Variants in MAPRE2 observed in about 807,000 individuals in gnomAD.
MAPRE2 encodes microtubule associated protein RP/EB family member 2.
In MAPRE2, 13 loss-of-function variants were observed where a neutral mutation model predicts 43.2. The ratio of observed to expected loss-of-function variants is 0.30; its 90% CI spans 0.20 to 0.48. MAPRE2 has a LOEUF of 0.48. Ranked by LOEUF, MAPRE2 falls within the 20% of genes least tolerant of loss-of-function variation. The pLI, the probability that MAPRE2 is intolerant of heterozygous loss-of-function variation, is 0.99. For synonymous variants in MAPRE2, 135 were observed against 148.8 expected (o/e 0.91, Z 0.68); for missense variants, 161 against 400.2 (o/e 0.40, Z 5.10).
chr18:35,101,533 C>A (rs1439544023), intron 3 of MAPRE2, among the ~76,000 whole-genome samples: 10 of 151,008 alleles, frequency 6.6e-5, no homozygotes. Context: ...AATCACCATC[C>A]CCAACTCCCC....
chr18:35,026,637 A>G (rs1472464590), intron 2 of MAPRE2, among the ~76,000 whole-genome samples: 2 of 152,080 alleles, frequency 1.3e-5, no homozygotes, highest in Non-Finnish European at 1.5e-5. Context: ...TCCCTCCCCA[A>G]AAATATTTGC....
chr18:35,062,963 T>C (rs1158618982), intron 1 of MAPRE2, among the ~76,000 whole-genome samples: 2 of 152,180 alleles, frequency 1.3e-5, no homozygotes, highest in Non-Finnish European at 2.9e-5. Context: ...TCCCCAGTGA[T>C]GGGAGAACAT....
At chr18:35,069,607 A>G (rs1403522492) in intron 1 of MAPRE2, among the ~76,000 whole-genome samples, 1 of 152,170 alleles carries the variant, frequency 6.6e-6, no homozygotes, top group Admixed American at 6.5e-5. Flanking sequence ...CTCCTTTTGC[A>G]TGTATTTGAA....
intron 2 of MAPRE2, among the ~76,000 whole-genome samples, chr18:35,074,283 T>C (rs1355191739): frequency 6.6e-6 from 1 of 151,532 alleles, no homozygotes; most frequent in Non-Finnish European, 1.5e-5. Context: ...AGGGGGGTGA[T>C]AGGGAATTTT....
chr18:35,075,558 G>A (rs938227258), intron 2 of MAPRE2, among the ~76,000 whole-genome samples: 5 of 152,222 alleles, frequency 3.3e-5, no homozygotes, highest in African/African-American at 1.2e-4. Context: ...TTTGCTGTAA[G>A]AAAGTTAGGT....
rs143720595 is a variant in MAPRE2 at position 35,107,655 on chromosome 18, C to T, written c.610+5496C>T. Among the ~76,000 whole-genome samples, 980 of 152,232 alleles carry T rather than the reference C, an allele frequency of 6.4e-3. 42 individuals are homozygous for T. The highest frequency in any genetic ancestry group is 0.058 in the Admixed American group (889 of 15,288). On this transcript the variant is annotated intron_variant, in intron 4 of 6. Transcript: ENST00000300249. The stretch of plus-strand genomic sequence containing the variant: ...TCTTTTTTGGTCAGCGGACCACATG[C>T]ACTTGAAAAGAATGTGTATTCTGCA...
At chr18:35,136,908 C>T (rs75475138) in intron 6 of MAPRE2, among the ~76,000 whole-genome samples, 5 of 152,214 alleles carry the variant, frequency 3.3e-5, no homozygotes, top group South Asian at 2.1e-4. Flanking sequence ...TAGATTGATA[C>T]GCACATATTA....
intron 4 of MAPRE2, among the ~76,000 whole-genome samples, chr18:35,122,101 A>G (rs1270362315): frequency 6.6e-6 from 1 of 152,166 alleles, no homozygotes; most frequent in Non-Finnish European, 1.5e-5. Context: ...ATGTTAGGAT[A>G]TTGTCTTTTA....
chr18:35,072,150 A>G (rs930333330), intron 2 of MAPRE2, among the ~76,000 whole-genome samples: 4 of 152,240 alleles, frequency 2.6e-5, no homozygotes, highest in Non-Finnish European at 5.9e-5. Flanking sequence ...TCTTGAGCTA[A>G]TATTTTATTT....
chr18:34,994,784 G>C (rs1487570314), intron 1 of MAPRE2, among the ~76,000 whole-genome samples: 1 of 152,068 alleles, frequency 6.6e-6, no homozygotes, highest in Non-Finnish European at 1.5e-5. Context: ...GCTCTTTAAG[G>C]AGCTGTACTT....
At chr18:35,107,087 A>G (rs1908945308) in intron 4 of MAPRE2, among the ~76,000 whole-genome samples, 1 of 152,180 alleles carries the variant, frequency 6.6e-6, no homozygotes, top group Admixed American at 6.6e-5. Flanking sequence ...ATTTAAATCA[A>G]ACGCCCATAT....
intron 1 of MAPRE2, among the ~76,000 whole-genome samples, chr18:35,058,680 GTAAC>G (rs1906366949): frequency 6.6e-6 from 1 of 152,160 alleles, no homozygotes; most frequent in Non-Finnish European, 1.5e-5. Context: ...GATAAACTGA[GTAAC>G]TAGCCACCCA....
At chr18:35,140,208 C>G in intron 6 of MAPRE2, 87 bp from the exon 7 acceptor site, 1 of 1,209,734 alleles carries the variant, frequency 8.3e-7, no homozygotes, top group Non-Finnish European at 1.2e-6. Context: ...CCTTGAGACG[C>G]CATGCTGGCA....
chr18:35,047,406 T>C (rs1905684540), intron 1 of MAPRE2, among the ~76,000 whole-genome samples: 1 of 152,180 alleles, frequency 6.6e-6, no homozygotes, highest in African/African-American at 2.4e-5. Flanking sequence ...ACACATCCCA[T>C]TGGTATCATA....
At position 35,141,053 on chromosome 18, in the gene MAPRE2, T is replaced by A. The variant is rs776451746; in HGVS notation, c.*684T>A. The stretch of plus-strand genomic sequence containing the variant: ...GTATGTTGTTAGTTTTGAAAGACAT[T>A]CACTCAAGGAAAACACCATCTCAAC... On this transcript the variant is annotated 3_prime_UTR_variant, in exon 7 of 7. Transcript: ENST00000300249. 2 of 152,216 alleles carry A rather than the reference T, an allele frequency of 1.3e-5. No homozygotes were observed. Among genetic ancestry groups the A allele is most frequent in the Admixed American group, 6.5e-5 (1 of 15,274 alleles). 9.4% of individuals were successfully genotyped at this position (152,216 alleles called of 1,614,324 possible).
chr18:35,131,296 C>G (rs961261611), intron 5 of MAPRE2, among the ~76,000 whole-genome samples: 18 of 152,200 alleles, frequency 1.2e-4, no homozygotes, highest in Non-Finnish European at 2.4e-4. Context: ...TTCTGCTTCT[C>G]TTTCCTCCTC....
intron 1 of MAPRE2, among the ~76,000 whole-genome samples, chr18:35,063,997 CTT>C (rs200111990): frequency 2.8e-5 from 1 of 35,360 alleles, no homozygotes; most frequent in African/African-American, 1.2e-4. Flanking sequence ...GACCCTGTCT[CTT>C]TAAAAAAAAA....
chr18:35,095,394 A>ATG (rs1908363327), intron 2 of MAPRE2, among the ~76,000 whole-genome samples: 1 of 145,490 alleles, frequency 6.9e-6, no homozygotes, highest in Non-Finnish European at 1.5e-5. Context: ...ACACACACAC[A>ATG]CACACACGCA....
intron 1 of MAPRE2, among the ~76,000 whole-genome samples, chr18:34,985,494 AT>A (rs371762069): frequency 2.3e-5 from 1 of 43,486 alleles, no homozygotes; most frequent in African/African-American, 9.2e-5. Context: ...TATATTGTAT[AT>A]TATATAATAT....
Sources: gnomAD v4.1 joint callset for allele counts (sites outside exome capture counted in the v4.1 genomes callset) on GRCh38, gnomAD v4.1.1 for gene constraint, MANE v1.5 for transcripts, NCBI Gene and HGNC (gene_info 2026-07-23, HGNC 2026-07-21) for gene names.